Variants in DSCAM observed in about 807,000 individuals in gnomAD.
DSCAM encodes DS cell adhesion molecule.
Under a neutral mutation model 217.7 loss-of-function variants are expected in DSCAM, and 47 were observed. The ratio of observed to expected loss-of-function variants is 0.22; its 90% CI spans 0.17 to 0.28. The LOEUF is 0.28. DSCAM is among the 10% of genes least tolerant of loss of function. The probability of loss-of-function intolerance (pLI) is 1.00; values close to 1 mark genes in which losing one functional copy is unlikely to be tolerated. For missense variants in DSCAM, 2,080 were observed against 2,618.3 expected (o/e 0.79, Z 4.49); for synonymous variants, 1,056 against 1,015.3 (o/e 1.04, Z -0.76).
chr21:40,487,876 C>T (rs2076043365), intron 3 of DSCAM, among the ~76,000 whole-genome samples: 4 of 152,122 alleles, frequency 2.6e-5, no homozygotes, highest in Admixed American at 2.6e-4. Context: ...AGAGTTGTAG[C>T]CAGCATAGTG....
intron 12 of DSCAM, among the ~76,000 whole-genome samples, chr21:40,188,401 G>C (rs1431424096): frequency 6.6e-6 from 1 of 152,174 alleles, no homozygotes; most frequent in Non-Finnish European, 1.5e-5. Context: ...GGCAGGGCTG[G>C]GGGCCCGCAA....
At chr21:40,349,688 A>C (rs1019969202) in intron 5 of DSCAM, among the ~76,000 whole-genome samples, 5 of 152,210 alleles carry the variant, frequency 3.3e-5, no homozygotes, top group Non-Finnish European at 5.9e-5. Flanking sequence ...ACTCAGCCAA[A>C]TCCAATCAAC....
chr21:40,450,322 T>G (rs1471901758), intron 3 of DSCAM, among the ~76,000 whole-genome samples: 1 of 152,192 alleles, frequency 6.6e-6, no homozygotes, highest in Non-Finnish European at 1.5e-5. Context: ...TTTTAAAATG[T>G]TCTAGTCCTG....
intron 3 of DSCAM, among the ~76,000 whole-genome samples, chr21:40,549,405 C>T (rs2076611907): frequency 6.6e-6 from 1 of 152,006 alleles, no homozygotes; most frequent in South Asian, 2.1e-4. Flanking sequence ...AAAAAAACAA[C>T]AATGCATCCA....
At chr21:40,635,563 G>A (rs553865780) in intron 3 of DSCAM, among the ~76,000 whole-genome samples, 9 of 152,288 alleles carry the variant, frequency 5.9e-5, no homozygotes, top group South Asian at 2.1e-4. Flanking sequence ...CGGTGTGTGC[G>A]TGGGCAGGTG....
intron 3 of DSCAM, among the ~76,000 whole-genome samples, chr21:40,401,102 T>C (rs1405868797): frequency 1.3e-5 from 2 of 152,204 alleles, no homozygotes; most frequent in East Asian, 1.9e-4. Context: ...GGTTCATACT[T>C]TGAGAAAATA....
At position 40,276,161 on chromosome 21, in the gene DSCAM, G is replaced by A; in HGVS notation, c.2292C>T (p.Tyr764=). The part of the protein sequence containing the change: ...KHVVEEDSGY[Y]LCKVSNDVGA... The stretch of plus-strand genomic sequence containing the variant: ...CCACATCGTTGCTGACCTTGCAGAG[G>A]TAGTAGCCACTGTCTTCCTCCACGA... Residue 764 remains tyrosine (Y), a synonymous_variant, in exon 11 of 33, where the codon TAC becomes TAT. Coordinates refer to ENST00000400454, the MANE Select transcript of DSCAM (RefSeq NM_001389.5). The A allele has an allele frequency of 6.2e-7, 1 of 1,613,158 alleles. No individual in the cohort carries two copies. Among genetic ancestry groups the A allele is most frequent in the Non-Finnish European group, 8.5e-7 (1 of 1,179,562 alleles).
intron 1 of DSCAM, among the ~76,000 whole-genome samples, chr21:40,788,854 G>T (rs2091615298): frequency 6.6e-6 from 1 of 152,230 alleles, no homozygotes; most frequent in East Asian, 1.9e-4. Flanking sequence ...CAATCACAAA[G>T]ATTAATTTAA....
rs184370303 is a variant in DSCAM, at chr21:40,330,097, A to G, written c.1783+8004T>C. 3.6e-3 allele frequency among the ~76,000 whole-genome samples: 541 copies of G among 152,002 alleles called. 2 individuals are homozygous for G. Among genetic ancestry groups the G allele is most frequent in the African/African-American group, 0.012 (515 of 41,494 alleles). ...CAGATTTAGTCATTCCACAATGGATATATATTTCAAAACATTATACTATAC... is the reference window on the plus strand; with the variant it reads ...CAGATTTAGTCATTCCACAATGGATGTATATTTCAAAACATTATACTATAC... On this transcript the variant is annotated intron_variant, in intron 8 of 32. Transcript: ENST00000400454.
intron 3 of DSCAM, among the ~76,000 whole-genome samples, chr21:40,658,812 T>C (rs1174185840): frequency 2.0e-5 from 3 of 152,176 alleles, no homozygotes; most frequent in African/African-American, 7.2e-5. Flanking sequence ...TATTATGTAC[T>C]TGTAATCAAC....
intron 2 of DSCAM, among the ~76,000 whole-genome samples, chr21:40,699,557 C>T (rs1282592527): frequency 6.6e-6 from 1 of 152,160 alleles, no homozygotes; most frequent in Non-Finnish European, 1.5e-5. Context: ...ATGAAAAGTG[C>T]TACTTCAGCG....
intron 11 of DSCAM, among the ~76,000 whole-genome samples, chr21:40,231,309 C>T (rs1434928342): frequency 6.6e-6 from 1 of 151,750 alleles, no homozygotes; most frequent in Non-Finnish European, 1.5e-5. Context: ...CAGCCACCAA[C>T]ACTGTACCAA....
At chr21:40,283,508 G>A (rs1194196535) in intron 10 of DSCAM, among the ~76,000 whole-genome samples, 3 of 152,174 alleles carry the variant, frequency 2.0e-5, no homozygotes, top group Non-Finnish European at 4.4e-5. Flanking sequence ...TGGGGACAGT[G>A]GAAAAAGAAC....
chr21:40,262,393 T>G (rs188019157), intron 11 of DSCAM, among the ~76,000 whole-genome samples: 90 of 152,192 alleles, frequency 5.9e-4, no homozygotes, highest in African/African-American at 2.0e-3. Flanking sequence ...CCCTTACAGG[T>G]GCAGCCTCTT....
chr21:40,075,208 T>A lies in DSCAM; in HGVS notation c.4717A>T (p.Ile1573Phe). Residue 1573 changes from isoleucine to phenylalanine, a missense_variant, in exon 27 of 33, where the codon ATT (isoleucine) becomes TTT (phenylalanine). Physicochemically the swap from Ile to Phe is conservative, Grantham distance 21 (BLOSUM62 0). Coordinates refer to ENST00000400454, the MANE Select transcript of DSCAM (RefSeq NM_001389.5). ...FATLNYDGSTIPPLIKSVVQN... is the reference protein window; with the variant it reads ...FATLNYDGSTFPPLIKSVVQN... The stretch of plus-strand genomic sequence containing the variant: ...ACAACTGACTTAATGAGTGGAGGAA[T>A]TGTACCTGAAAGCAGGGCCACGGTG... The A allele has an allele frequency of 6.2e-7, 1 of 1,614,142 alleles. No individual in the cohort carries two copies. Among genetic ancestry groups the A allele is most frequent in the Admixed American group, 1.7e-5 (1 of 60,032 alleles).
chr21:40,048,270 A>T (rs2088874017), intron 30 of DSCAM, among the ~76,000 whole-genome samples: 1 of 152,190 alleles, frequency 6.6e-6, no homozygotes, highest in East Asian at 1.9e-4. Context: ...AACATGACTC[A>T]ATGTCTTTTC....
At chr21:40,380,768 G>C (rs554125283) in intron 3 of DSCAM, among the ~76,000 whole-genome samples, 2 of 152,174 alleles carry the variant, frequency 1.3e-5, no homozygotes, top group African/African-American at 4.8e-5. Context: ...GATATGGTTT[G>C]AAAATAGAAC....
intron 3 of DSCAM, among the ~76,000 whole-genome samples, chr21:40,605,099 T>A (rs1002539311): frequency 4.6e-5 from 7 of 152,214 alleles, no homozygotes; most frequent in African/African-American, 1.7e-4. Flanking sequence ...CATGTGAGAA[T>A]CTGGTGAGCT....
chr21:40,214,392 G>T (rs1340326569), intron 11 of DSCAM, among the ~76,000 whole-genome samples: 1 of 152,182 alleles, frequency 6.6e-6, no homozygotes, highest in Non-Finnish European at 1.5e-5. Context: ...GAAAGATTCT[G>T]TGCTGATAAT....
Sources: gnomAD v4.1 joint callset for allele counts (sites outside exome capture counted in the v4.1 genomes callset) on GRCh38, gnomAD v4.1.1 for gene constraint, MANE v1.5 for transcripts, NCBI Gene and HGNC (gene_info 2026-07-23, HGNC 2026-07-21) for gene names.